The following ITPR1 variants were observed in gnomAD, a reference collection of about 807,000 sequenced individuals.
The protein encoded by ITPR1 is inositol 1,4,5-trisphosphate-gated calcium channel ITPR1.
A neutral mutation model predicts 318.4 loss-of-function variants in ITPR1; 96 were observed. That is an observed-to-expected ratio of 0.30 (90% CI 0.26 to 0.36). The LOEUF (loss-of-function observed/expected upper bound fraction) is 0.36, where lower values mean the gene tolerates loss of function less well. Among genes scored for constraint, ITPR1 ranks in the 10% least tolerant of loss-of-function variants. The pLI, the probability that ITPR1 is intolerant of heterozygous loss-of-function variation, is 1.00. For synonymous variants in ITPR1, 1,312 were observed against 1,289.9 expected (o/e 1.02, Z -0.37); for missense variants, 2,440 against 3,460.2 (o/e 0.71, Z 7.40).
At chr3:4,583,402 A>G (rs2089558072) in intron 4 of ITPR1, among the ~76,000 whole-genome samples, 1 of 151,912 alleles carries the variant, frequency 6.6e-6, no homozygotes, top group South Asian at 2.1e-4. Flanking sequence ...TATGTGTTTC[A>G]CAGGGAATGT....
intron 4 of ITPR1, among the ~76,000 whole-genome samples, chr3:4,563,124 G>A (rs1400941055): frequency 6.6e-6 from 1 of 152,188 alleles, no homozygotes; most frequent in East Asian, 1.9e-4. Context: ...GTAGGTACGT[G>A]CAGTGTTGGA....
Position 4,809,913 on chromosome 3 carries a change from T to TA in ITPR1, c.7273-1348dup, listed in dbSNP as rs559004412. ...TTGCCTTCTGTCATATTGTATTGAC[T>TA]AAAATCCCTCTTCCTTGCTTCCCTT... On this transcript the variant is annotated intron_variant, in intron 55 of 61. Transcript: ENST00000649015. Among the ~76,000 whole-genome samples the TA allele has an allele frequency of 2.3e-3, 351 of 152,332 alleles. 1 individual carries two copies. The highest frequency in any genetic ancestry group is 8.2e-3 in the African/African-American group (339 of 41,572).
intron 4 of ITPR1, among the ~76,000 whole-genome samples, chr3:4,601,317 G>A (rs1053743681): frequency 6.6e-6 from 1 of 151,422 alleles, no homozygotes; most frequent in East Asian, 1.9e-4. Flanking sequence ...CCAGGAGTTC[G>A]AACCCAGCCT....
Position 4,775,377 on chromosome 3 carries a change from G to A in ITPR1, c.6115G>A (p.Ala2039Thr). The change falls in exon 47 of 62, where the codon GCG becomes ACG. Residue 2039 changes from alanine to threonine, a missense_variant. Physicochemically the swap from Ala to Thr is moderately conservative, Grantham distance 58 (BLOSUM62 0). Transcript: ENST00000649015. ...LGLYINEKNV[A>T]LINQTLESLT... The stretch of plus-strand genomic sequence containing the variant: ...CTTGTATATAAATGAAAAGAATGTA[G>A]CGCTTATCAACCAAACCCTGGAAAG... The A allele has an allele frequency of 1.9e-6, 3 of 1,613,828 alleles. No homozygotes were observed. Among genetic ancestry groups the A allele is most frequent in the Non-Finnish European group, 2.5e-6 (3 of 1,179,724 alleles).
At chr3:4,506,315 G>T (rs1175228578) in intron 2 of ITPR1, among the ~76,000 whole-genome samples, 1 of 152,100 alleles carries the variant, frequency 6.6e-6, no homozygotes, top group Non-Finnish European at 1.5e-5. Flanking sequence ...TCTGTTTCTG[G>T]AATTTGCTAA....
intron 4 of ITPR1, among the ~76,000 whole-genome samples, chr3:4,594,640 G>T (rs2090653116): frequency 6.6e-6 from 1 of 152,092 alleles, no homozygotes; most frequent in African/African-American, 2.4e-5. Context: ...AGAGTAAAGG[G>T]CAAAAGGATG....
chr3:4,796,821 C>T (rs945751823), intron 53 of ITPR1, among the ~76,000 whole-genome samples: 32 of 152,264 alleles, frequency 2.1e-4, no homozygotes, highest in African/African-American at 7.5e-4. Flanking sequence ...CCTTGTCATC[C>T]TTTATGTGAA....
Position 4,517,166 on chromosome 3 carries a change from T to A in ITPR1, c.92+583T>A, listed in dbSNP as rs934415584. Among the ~76,000 whole-genome samples the A allele has an allele frequency of 3.1e-4, 47 of 152,368 alleles. 1 individual carries two copies. Among genetic ancestry groups the A allele is most frequent in the South Asian group, 1.7e-3 (8 of 4,832 alleles). On this transcript the variant is annotated intron_variant, in intron 3 of 61. Coordinates refer to ENST00000649015, the MANE Select transcript of ITPR1 (RefSeq NM_001378452.1). ...ACAACTTTTAAGGGTATAAATATATTTCATAATGTACTCATTTGATTATCT... is the reference window on the plus strand; with the variant it reads ...ACAACTTTTAAGGGTATAAATATATATCATAATGTACTCATTTGATTATCT...
chr3:4,558,715 A>G (rs1158791190), intron 4 of ITPR1, among the ~76,000 whole-genome samples: 1 of 152,196 alleles, frequency 6.6e-6, no homozygotes, highest in African/African-American at 2.4e-5. Flanking sequence ...ATTTGGGAAA[A>G]GGAGCTCCTG....
chr3:4,543,743 G>A (rs559574629), intron 4 of ITPR1, among the ~76,000 whole-genome samples: 34 of 152,276 alleles, frequency 2.2e-4, no homozygotes, highest in South Asian at 1.5e-3. Context: ...ATGCCTGGCC[G>A]TATTTAAGTC....
intron 4 of ITPR1, among the ~76,000 whole-genome samples, chr3:4,545,197 G>A (rs932720493): frequency 1.3e-5 from 2 of 152,188 alleles, no homozygotes; most frequent in Non-Finnish European, 2.9e-5. Flanking sequence ...AAATGAATCA[G>A]TTGATCTGTT....
At chr3:4,749,231 A>T (rs767198720) in intron 44 of ITPR1, 16 of 152,258 alleles carry the variant, frequency 1.1e-4, no homozygotes, top group Non-Finnish European at 1.9e-4. Flanking sequence ...GAGCACTTGC[A>T]GAACCATAAT....
chr3:4,533,001 C>T (rs2083545499), intron 4 of ITPR1, among the ~76,000 whole-genome samples: 1 of 152,174 alleles, frequency 6.6e-6, no homozygotes, highest in African/African-American at 2.4e-5. Context: ...TGGATGATTC[C>T]ATTTGACTGT....
chr3:4,733,035 C>G (rs753625545), intron 42 of ITPR1, 53 bp from the exon 43 acceptor site: 1 of 1,573,582 alleles, frequency 6.4e-7, no homozygotes. Context: ...ATATTCGTCC[C>G]TCGGTGATGC....
chr3:4,792,050 T>C (rs1479017030), intron 52 of ITPR1, among the ~76,000 whole-genome samples: 2 of 152,206 alleles, frequency 1.3e-5, no homozygotes, highest in Non-Finnish European at 1.5e-5. Context: ...CTTTTCCAGC[T>C]GCTAGAGGCT....
intron 26 of ITPR1, among the ~76,000 whole-genome samples, chr3:4,682,401 A>C (rs1175856919): frequency 6.6e-6 from 1 of 152,176 alleles, no homozygotes. Context: ...CTTGCATTGC[A>C]TCTCCTAATA....
chr3:4,786,060 C>T lies in ITPR1; in HGVS notation c.6616-1887C>T, dbSNP rs547279684. On this transcript the variant is annotated intron_variant, in intron 51 of 61. Transcript: ENST00000649015. ...TAGCCCTGGAGTCTAGAACTCAGTT[C>T]TTGCCAGGAGGCCTCCTTGTCTACT... Among the ~76,000 whole-genome samples, 43 of 152,348 alleles carry T rather than the reference C, an allele frequency of 2.8e-4. 1 individual carries two copies. In the South Asian group the frequency reaches 7.9e-3, roughly 28 times the overall value.
chr3:4,598,328 A>T (rs770193200), intron 4 of ITPR1, among the ~76,000 whole-genome samples: 1 of 152,220 alleles, frequency 6.6e-6, no homozygotes, highest in Non-Finnish European at 1.5e-5. Context: ...AGAATTAAAA[A>T]ATAAAGGCAG....
chr3:4,690,785 G>C (rs2094468501), intron 31 of ITPR1, among the ~76,000 whole-genome samples: 1 of 152,140 alleles, frequency 6.6e-6, no homozygotes, highest in Admixed American at 6.5e-5. Context: ...GAGTGCAAGA[G>C]GTTTAAGAAC....
Sources: gnomAD v4.1 joint callset for allele counts (sites outside exome capture counted in the v4.1 genomes callset) on GRCh38, gnomAD v4.1.1 for gene constraint, MANE v1.5 for transcripts, NCBI Gene and HGNC (gene_info 2026-07-23, HGNC 2026-07-21) for gene names.